ATG16L1: variants seen among roughly 807,000 people sequenced by gnomAD.
The protein encoded by ATG16L1 is autophagy-related protein 16-1.
A neutral mutation model predicts 88.5 loss-of-function variants in ATG16L1; 37 were observed. The ratio of observed to expected loss-of-function variants is 0.42; its 90% CI spans 0.32 to 0.55. The LOEUF (loss-of-function observed/expected upper bound fraction) is 0.55. Ranked by LOEUF, ATG16L1 falls within the 20% of genes least tolerant of loss-of-function variation. The probability of loss-of-function intolerance (pLI) is 0.13; values close to 1 mark genes in which losing one functional copy is unlikely to be tolerated. For synonymous variants in ATG16L1, 301 were observed against 281.0 expected, an observed-to-expected ratio of 1.07 and a Z score of -0.71; for missense variants, 554 against 752.8, an observed-to-expected ratio of 0.74 and a Z score of 3.09.
chr2:233,274,688 C>T lies in ATG16L1; in HGVS notation c.864C>T (p.Val288=). 3 of 1,609,086 alleles carry T rather than the reference C, an allele frequency of 1.9e-6. No individual in the cohort carries two copies. The South Asian group carries it at 3.3e-5, about 18-fold the overall frequency. Residue 288 remains valine, a synonymous_variant, in exon 9 of 18, where the codon GTC becomes GTT. Transcript: ENST00000392017. ...TGTTATTTCTTAGGAGACGCTCTGT[C>T]TCTTCCTTCCCAGTCCCCCAGGACA... ...SITNIFGRRS[V]SSFPVPQDNV...
intron 9 of ATG16L1, among the ~76,000 whole-genome samples, chr2:233,276,893 C>T (rs72976321): frequency 0.062 from 9,477 of 152,212 alleles, 361 homozygotes; most frequent in South Asian, 0.14. Flanking sequence ...CTTAAAATAA[C>T]GACTGTCATT....
At chr2:233,252,048 A>G in intron 1 of ATG16L1, 106 bp downstream of exon 1, 3 of 974,154 alleles carry the variant, frequency 3.1e-6, no homozygotes, top group South Asian at 2.0e-5. Flanking sequence ...GCCCGCACGC[A>G]TGGCGGCCGC....
In ATG16L1 at chr2:233,251,871, G is replaced by A. The variant is rs1361799971; in HGVS notation, c.44G>A (p.Arg15His). Residue 15 changes from arginine to histidine, a missense_variant, in exon 1 of 18, where the codon CGC (arginine) becomes CAC (histidine). Arg to His is a conservative substitution (Grantham distance 29). Around this residue, in one of 5 missense-constraint regions of ATG16L1, gnomAD observed 101 missense variants for 107.0 expected, o/e 0.94. Coordinates refer to ENST00000392017, the MANE Select transcript of ATG16L1 (RefSeq NM_030803.7). ...LRAADFPRWK[R>H]HISEQLRRRD... ...GCCGCTGACTTCCCCCGCTGGAAGC[G>A]CCACATCTCGGAGCAACTGAGGCGC... The A allele has an allele frequency of 1.3e-6, 2 of 1,550,662 alleles. No homozygotes were observed.
At chr2:233,273,689 A>C in intron 7 of ATG16L1, 32 bp from the exon 8 acceptor site, 1 of 1,606,232 alleles carries the variant, frequency 6.2e-7, no homozygotes, top group Non-Finnish European at 8.5e-7. Flanking sequence ...AAATGTTTCT[A>C]AGGTTTAAAC....
Position 233,251,935 on chromosome 2 carries a change from C to T in ATG16L1, c.108C>T (p.Ile36=), listed in dbSNP as rs1230829516. Residue 36 remains isoleucine, a synonymous_variant, in exon 1 of 18, where the codon ATC becomes ATT. Transcript: ENST00000392017. ...AGAGACAGGCGTTCGAGGAGATCATCCTGCAGTGTGAGCGGCGCCGGTGCG... is the reference window on the plus strand; with the variant it reads ...AGAGACAGGCGTTCGAGGAGATCATTCTGCAGTGTGAGCGGCGCCGGTGCG... ...RLQRQAFEEI[I]LQYNKLLEKS... is the part of the protein sequence containing the mutation. 4 of 1,545,400 alleles carry T rather than the reference C, an allele frequency of 2.6e-6. No individual in the cohort carries two copies. Among genetic ancestry groups the T allele is most frequent in the East Asian group, 2.5e-5 (1 of 40,384 alleles).
At chr2:233,284,542 C>T (rs1038695889) in intron 12 of ATG16L1, among the ~76,000 whole-genome samples, 2 of 152,078 alleles carry the variant, frequency 1.3e-5, no homozygotes, top group African/African-American at 4.8e-5. Flanking sequence ...CCATGTTAAC[C>T]AGGACGTTCT....
intron 12 of ATG16L1, chr2:233,288,848 C>T (rs780850699): frequency 1.9e-6 from 1 of 519,240 alleles, no homozygotes; most frequent in Non-Finnish European, 3.8e-6. Flanking sequence ...AGGGAAGACA[C>T]TGGTTGGCAT....
chr2:233,258,581 G>T (rs1696977436), intron 2 of ATG16L1, among the ~76,000 whole-genome samples: 1 of 152,188 alleles, frequency 6.6e-6, no homozygotes, highest in Non-Finnish European at 1.5e-5. Flanking sequence ...TCATCCAATT[G>T]AAAACTAAAA....
intron 3 of ATG16L1, 99 bp from the exon 4 acceptor site, chr2:233,263,893 C>A: frequency 8.4e-7 from 1 of 1,186,936 alleles, no homozygotes; most frequent in African/African-American, 1.5e-5. Context: ...TCACCCAGCT[C>A]ATTTATTCTT....
At chr2:233,283,283 A>C (rs1698837694) in intron 12 of ATG16L1, among the ~76,000 whole-genome samples, 1 of 152,136 alleles carries the variant, frequency 6.6e-6, no homozygotes, top group Non-Finnish European at 1.5e-5. Flanking sequence ...AGAGAGACCA[A>C]AACTTGGTTG....
intron 5 of ATG16L1, 36 bp downstream of exon 5, chr2:233,265,179 TTAG>T: frequency 6.2e-7 from 1 of 1,608,962 alleles, no homozygotes; most frequent in South Asian, 1.1e-5. Context: ...GTTTCCATCC[TTAG>T]TAGAGTAGAA....
chr2:233,274,104 C>T, intron 8 of ATG16L1: 6 of 1,437,764 alleles, frequency 4.2e-6, no homozygotes, highest in Non-Finnish European at 5.7e-6. Flanking sequence ...TTATGCCAAT[C>T]ACCGCTTCAC....
intron 11 of ATG16L1, 102 bp from the exon 12 acceptor site, chr2:233,282,580 A>C (rs143490297): frequency 1.4e-5 from 15 of 1,048,120 alleles, no homozygotes; most frequent in Middle Eastern, 2.5e-4. Context: ...AGGGTGAAGC[A>C]TCTAAACCTT....
At chr2:233,262,185 C>G (rs1574850234) in intron 2 of ATG16L1, among the ~76,000 whole-genome samples, 1 of 152,208 alleles carries the variant, frequency 6.6e-6, no homozygotes, top group Non-Finnish European at 1.5e-5. Context: ...AATTCAAAGT[C>G]AAGTCCTGTT....
chr2:233,255,184 T>A (rs1373285500), intron 1 of ATG16L1, among the ~76,000 whole-genome samples: 1 of 152,172 alleles, frequency 6.6e-6, no homozygotes, highest in Non-Finnish European at 1.5e-5. Context: ...CAGGCTGTTC[T>A]CGAACTCCTG....
At position 233,272,976 on chromosome 2, in the gene ATG16L1, A is replaced by G; in HGVS notation, c.718A>G (p.Ile240Val). 1 of 1,613,912 alleles carries G rather than the reference A, an allele frequency of 6.2e-7. No homozygotes were observed. The highest frequency in any genetic ancestry group is 8.5e-7 in the Non-Finnish European group (1 of 1,179,802). ...EPLPVEQDDD[I>V]EVIVDETSDH... ...TGCCTTTCTTTCCAGGGATGATGAC[A>G]TTGAGGTCATTGTGGATGAAACTTC... The change falls in exon 7 of 18, where the codon ATT becomes GTT. Residue 240 changes from isoleucine (I) to valine (V), a missense_variant. Around this residue, in one of 5 missense-constraint regions of ATG16L1, gnomAD observed 370 missense variants for 509.7 expected, o/e 0.73. Coordinates refer to ENST00000392017, the MANE Select transcript of ATG16L1 (RefSeq NM_030803.7).
chr2:233,279,238 G>A (rs954835934), intron 10 of ATG16L1, among the ~76,000 whole-genome samples: 12 of 152,278 alleles, frequency 7.9e-5, no homozygotes, highest in Admixed American at 3.3e-4. Context: ...AGTCTGTTTT[G>A]AGTATGCCAT....
At chr2:233,292,566 T>A in intron 16 of ATG16L1, 132 bp downstream of exon 16, 1 of 1,088,418 alleles carries the variant, frequency 9.2e-7, no homozygotes, top group Non-Finnish European at 1.4e-6. Flanking sequence ...GCCTGTAAGT[T>A]CATAATTGCA....
intron 12 of ATG16L1, among the ~76,000 whole-genome samples, chr2:233,283,373 G>A (rs1698845813): frequency 1.3e-5 from 2 of 151,408 alleles, no homozygotes; most frequent in Admixed American, 6.6e-5. Context: ...CCATAAGCCT[G>A]AAGGAATCAT....
Sources: gnomAD v4.1 joint callset for allele counts (sites outside exome capture counted in the v4.1 genomes callset) on GRCh38, gnomAD v4.1.1 for gene constraint, gnomAD v4.1.1 regional missense constraint, MANE v1.5 for transcripts, NCBI Gene and HGNC (gene_info 2026-07-23, HGNC 2026-07-21) for gene names.